LAPTM4B: variants seen among roughly 807,000 people sequenced by gnomAD.
LAPTM4B encodes the protein lysosomal-associated transmembrane protein 4B.
A neutral mutation model predicts 28.5 loss-of-function variants in LAPTM4B; 26 were observed. That is an observed-to-expected ratio of 0.91 (90% CI 0.67 to 1.27). LAPTM4B has a LOEUF of 1.27. Ranked by LOEUF, LAPTM4B falls within the 50% of genes most tolerant of loss-of-function variation. LAPTM4B has a pLI of 0.00. For synonymous variants in LAPTM4B, 109 were observed against 106.4 expected (o/e 1.02, Z -0.15); for missense variants, 288 against 285.8 (o/e 1.01, Z -0.06).
intron 4 of LAPTM4B, among the ~76,000 whole-genome samples, 171 bp from the exon 5 acceptor site, chr8:97,818,966 ACGT>A (rs1816963719): frequency 6.6e-6 from 1 of 152,146 alleles, no homozygotes; most frequent in Non-Finnish European, 1.5e-5. Context: ...CCGATCACTG[ACGT>A]CTTTTATATG....
At chr8:97,842,491 A>G (rs1036457647) in intron 6 of LAPTM4B, among the ~76,000 whole-genome samples, 1 of 152,060 alleles carries the variant, frequency 6.6e-6, no homozygotes, top group African/African-American at 2.4e-5. Flanking sequence ...GGCAAACAGG[A>G]GTACCTAATC....
chr8:97,797,668 A>G (rs371679095), intron 1 of LAPTM4B, among the ~76,000 whole-genome samples: 67 of 147,712 alleles, frequency 4.5e-4, no homozygotes, highest in African/African-American at 1.7e-3. Context: ...TTACTGTATC[A>G]GTGGGTTTGA....
Position 97,775,842 on chromosome 8 carries a change from G to A in LAPTM4B, c.-168G>A, listed in dbSNP as rs1416327872. On this transcript the variant is annotated 5_prime_UTR_variant, in exon 1 of 7. Transcript: ENST00000521545. ...AGCGAAGGGTACCGACCCGGCAGAA[G>A]CTCGGAGCTCTCGGGGTATCGAGGA... 1.5e-5 allele frequency: 23 copies of A among 1,541,714 alleles called. No individual in the cohort carries two copies. The highest frequency in any genetic ancestry group is 3.9e-5 in the Admixed American group (2 of 51,448).
intron 5 of LAPTM4B, among the ~76,000 whole-genome samples, chr8:97,823,185 A>G (rs936147561): frequency 6.6e-6 from 1 of 152,020 alleles, no homozygotes; most frequent in Non-Finnish European, 1.5e-5. Context: ...TGAAATAAGA[A>G]ATAAGGTCAA....
chr8:97,832,265 G>A (rs749622159), intron 6 of LAPTM4B, among the ~76,000 whole-genome samples: 1 of 152,100 alleles, frequency 6.6e-6, no homozygotes, highest in East Asian at 1.9e-4. Flanking sequence ...TCAACTGCAC[G>A]TTCCCACCTC....
rs546561535 is a variant in LAPTM4B at position 97,848,428 on chromosome 8, T to C, written c.604-2969T>C. Among the ~76,000 whole-genome samples, 18 of 151,502 alleles carry C rather than the reference T, an allele frequency of 1.2e-4. No homozygotes were observed. The South Asian group carries it at 3.1e-3, about 26-fold the overall frequency. ...CATTTTTTTTTTCAAGAATATCTTA[T>C]GTTAATCTTCTGTGAACATTTTGGA... On this transcript the variant is annotated intron_variant, in intron 6 of 6. Coordinates refer to ENST00000521545, the MANE Select transcript of LAPTM4B (RefSeq NM_018407.6).
intron 6 of LAPTM4B, among the ~76,000 whole-genome samples, chr8:97,825,444 C>T (rs1817077954): frequency 6.6e-6 from 1 of 152,064 alleles, no homozygotes. Context: ...TTATCTTAAA[C>T]CTGCATTGTT....
intron 1 of LAPTM4B, among the ~76,000 whole-genome samples, chr8:97,779,208 C>T (rs983673093): frequency 6.6e-5 from 10 of 151,990 alleles, no homozygotes; most frequent in Admixed American, 2.6e-4. Flanking sequence ...AGGCCAAGTG[C>T]GGTGGCTCAC....
intron 1 of LAPTM4B, among the ~76,000 whole-genome samples, chr8:97,778,140 G>A (rs576477659): frequency 2.8e-4 from 43 of 152,268 alleles, no homozygotes; most frequent in African/African-American, 9.4e-4. Flanking sequence ...TTGTCTTAAC[G>A]TTTGGAAATA....
chr8:97,851,323 T>C, intron 6 of LAPTM4B, 74 bp from the exon 7 acceptor site: 1 of 1,202,636 alleles, frequency 8.3e-7, no homozygotes, highest in Non-Finnish European at 1.2e-6. Flanking sequence ...GCATAAAAGT[T>C]CAGTAAAAGC....
At chr8:97,836,265 C>A (rs1345033567) in intron 6 of LAPTM4B, among the ~76,000 whole-genome samples, 1 of 152,196 alleles carries the variant, frequency 6.6e-6, no homozygotes, top group Non-Finnish European at 1.5e-5. Context: ...ACTGCAACCT[C>A]CACCCCCTGG....
intron 6 of LAPTM4B, among the ~76,000 whole-genome samples, chr8:97,827,776 C>T (rs537423580): frequency 2.0e-5 from 3 of 152,106 alleles, no homozygotes; most frequent in East Asian, 3.9e-4. Flanking sequence ...AGAGAGTCAG[C>T]GAAGGGTGGT....
At chr8:97,797,794 T>C (rs1055977064) in intron 1 of LAPTM4B, among the ~76,000 whole-genome samples, 1 of 152,234 alleles carries the variant, frequency 6.6e-6, no homozygotes, top group African/African-American at 2.4e-5. Flanking sequence ...AGATGACTTA[T>C]GGGTGAAAAG....
chr8:97,793,219 G>T (rs1322639858), intron 1 of LAPTM4B, among the ~76,000 whole-genome samples: 1 of 152,106 alleles, frequency 6.6e-6, no homozygotes, highest in Non-Finnish European at 1.5e-5. Flanking sequence ...ATTAATTTTT[G>T]AATAACTGAA....
chr8:97,851,565 CTG>C lies in LAPTM4B; in HGVS notation c.*92_*93del. On this transcript the variant is annotated 3_prime_UTR_variant, in exon 7 of 7. Transcript: ENST00000521545. ...TATTTCACTTTTGCCATGAGCCTCTCTGAGCTTGTTTGTTGCTGAAATGCTAC... is the reference window on the plus strand; with the variant it reads ...TATTTCACTTTTGCCATGAGCCTCTCAGCTTGTTTGTTGCTGAAATGCTAC... The C allele has an allele frequency of 1.0e-6, 1 of 965,876 alleles. No individual in the cohort carries two copies. The allele number at this position is 965,876 out of a possible 1,614,324, so 59.8% of individuals were successfully genotyped here. A position where few individuals can be genotyped will look rare whatever the true frequency, so the allele number is the denominator to read the frequency against.
intron 1 of LAPTM4B, among the ~76,000 whole-genome samples, chr8:97,776,999 G>A (rs1048833643): frequency 1.3e-5 from 2 of 152,010 alleles, no homozygotes; most frequent in Admixed American, 1.3e-4. Flanking sequence ...GCACTGAGTC[G>A]GATTCCGCTG....
intron 2 of LAPTM4B, 24 bp downstream of exon 2, chr8:97,805,488 T>C: frequency 7.5e-7 from 1 of 1,335,432 alleles, no homozygotes; most frequent in Non-Finnish European, 1.1e-6. Context: ...ATTTGGGTAT[T>C]TTCAAGGGCA....
intron 3 of LAPTM4B, among the ~76,000 whole-genome samples, 171 bp downstream of exon 3, chr8:97,815,572 T>G (rs986300741): frequency 2.0e-5 from 3 of 152,148 alleles, no homozygotes; most frequent in Non-Finnish European, 4.4e-5. Flanking sequence ...CTGGAAATTT[T>G]TTTTTTTTTG....
At chr8:97,784,299 G>GTTT (rs1197038055) in intron 1 of LAPTM4B, among the ~76,000 whole-genome samples, 1 of 152,116 alleles carries the variant, frequency 6.6e-6, no homozygotes, top group African/African-American at 2.4e-5. Flanking sequence ...ATTGCCTGGT[G>GTTT]TTTTCCCCAC....
Sources: gnomAD v4.1 joint callset for allele counts (sites outside exome capture counted in the v4.1 genomes callset) on GRCh38, gnomAD v4.1.1 for gene constraint, MANE v1.5 for transcripts, NCBI Gene and HGNC (gene_info 2026-07-23, HGNC 2026-07-21) for gene names.